Variants in PDPR observed in about 807,000 individuals in gnomAD.
PDPR encodes the protein pyruvate dehydrogenase phosphatase regulatory subunit.
Under a neutral mutation model 102.2 loss-of-function variants are expected in PDPR, and 50 were observed. The ratio of observed to expected loss-of-function variants is 0.49; its 90% CI spans 0.39 to 0.62. The LOEUF (loss-of-function observed/expected upper bound fraction) is 0.62, where lower values mean the gene tolerates loss of function less well. Ranked by LOEUF, PDPR falls within the 20% of genes least tolerant of loss-of-function variation. PDPR has a pLI of 0.00. For missense variants in PDPR, 625 were observed against 1,098.2 expected (o/e 0.57, Z 6.09); for synonymous variants, 259 against 406.0 (o/e 0.64, Z 4.35).
chr16:70,148,585 C>CCCTTT (rs1966435595), intron 17 of PDPR, 32 bp downstream of exon 17: 1 of 1,534,852 alleles, frequency 6.5e-7, no homozygotes, highest in African/African-American at 1.4e-5. Context: ...CCCTTCCCTT[C>CCCTTT]ACTTCCCTTC....
At chr16:70,154,694 G>A (rs1383298174) in intron 18 of PDPR, among the ~76,000 whole-genome samples, 1 of 152,230 alleles carries the variant, frequency 6.6e-6, no homozygotes, top group Non-Finnish European at 1.5e-5. Flanking sequence ...CCAGGTTGGA[G>A]TGCAGTGGCG....
At chr16:70,123,716 T>C (rs1324406723) in intron 3 of PDPR, among the ~76,000 whole-genome samples, 7 of 152,382 alleles carry the variant, frequency 4.6e-5, no homozygotes, top group African/African-American at 1.7e-4. Flanking sequence ...ATATAATACC[T>C]TAGAATTGAT....
intron 3 of PDPR, 51 bp from the exon 4 acceptor site, chr16:70,127,209 A>G (rs1395535346): frequency 6.4e-7 from 1 of 1,556,364 alleles, no homozygotes; most frequent in Admixed American, 2.1e-5. Flanking sequence ...CTGACCTCGT[A>G]TTCACAGATG....
At chr16:70,154,267 G>T (rs540124013) in intron 18 of PDPR, among the ~76,000 whole-genome samples, 1 of 152,406 alleles carries the variant, frequency 6.6e-6, no homozygotes, top group South Asian at 2.1e-4. Flanking sequence ...GGCAGAGGTT[G>T]CAGTGAGCCA....
chr16:70,145,438 A>G (rs1483522896), intron 15 of PDPR, among the ~76,000 whole-genome samples: 1 of 152,228 alleles, frequency 6.6e-6, no homozygotes, highest in African/African-American at 2.4e-5. Flanking sequence ...GCCCAGTCCC[A>G]GAGAGTACCT....
chr16:70,151,119 A>G (rs988052075), intron 17 of PDPR, among the ~76,000 whole-genome samples: 2 of 152,256 alleles, frequency 1.3e-5, no homozygotes, highest in African/African-American at 2.4e-5. Flanking sequence ...TATTTTTCAT[A>G]GAGACAGGGT....
intron 2 of PDPR, among the ~76,000 whole-genome samples, chr16:70,115,277 C>T (rs1962523441): frequency 6.6e-6 from 1 of 152,126 alleles, no homozygotes; most frequent in African/African-American, 2.4e-5. Flanking sequence ...GTGTGCGCCA[C>T]CACGCCCGGC....
intron 17 of PDPR, among the ~76,000 whole-genome samples, chr16:70,151,853 G>A (rs1054071424): frequency 1.8e-4 from 28 of 152,290 alleles, no homozygotes; most frequent in African/African-American, 4.3e-4. Flanking sequence ...GCAGATTCTC[G>A]TTTTGTTCAC....
intron 15 of PDPR, 178 bp from the exon 16 acceptor site, chr16:70,145,956 G>A (rs1349391097): frequency 1.7e-6 from 1 of 593,056 alleles, no homozygotes; most frequent in East Asian, 3.1e-5. Context: ...GTTGGCAGAG[G>A]TGTATTCGCC....
intron 10 of PDPR, among the ~76,000 whole-genome samples, 178 bp downstream of exon 10, chr16:70,136,564 A>G (rs1415689988): frequency 1.3e-5 from 2 of 152,032 alleles, no homozygotes; most frequent in Admixed American, 1.3e-4. Context: ...GAGGCTCCCC[A>G]TGTTCCAGAA....
upstream of PDPR, chr16:70,114,270 G>A (rs1357317026): frequency 6.6e-6 from 1 of 152,132 alleles, no homozygotes; most frequent in Non-Finnish European, 1.5e-5. Context: ...GCCGTAAAGC[G>A]CGGAAGGTCG....
downstream of PDPR, chr16:70,162,539 G>A (rs1445289890): frequency 2.0e-5 from 3 of 152,454 alleles, no homozygotes; most frequent in African/African-American, 7.2e-5. Flanking sequence ...ACTCTTGCAC[G>A]GCTGCTTGTG....
intron 17 of PDPR, among the ~76,000 whole-genome samples, chr16:70,149,838 T>G (rs1597373873): frequency 6.6e-6 from 1 of 152,268 alleles, no homozygotes; most frequent in Non-Finnish European, 1.5e-5. Flanking sequence ...TCGCCCAGGC[T>G]GGAGTGCAGT....
At position 70,157,545 on chromosome 16, in the gene PDPR, G is replaced by C. The variant is rs1967357483; in HGVS notation, c.*666G>C. On this transcript the variant is annotated 3_prime_UTR_variant, in exon 19 of 19. Transcript: ENST00000288050. ...TGCAGAAGCCATTAGCAGACCTTTG[G>C]GCCAGGGCAGCCTCCCTATAATTTT... is the stretch of plus-strand genomic sequence containing the variant. The C allele has an allele frequency of 1.1e-5, 2 of 173,962 alleles. No individual in the cohort carries two copies. The highest frequency in any genetic ancestry group is 4.8e-5 in the African/African-American group (2 of 42,036). 10.8% of individuals were successfully genotyped at this position (173,962 alleles called of 1,614,324 possible). A position where few individuals can be genotyped will look rare whatever the true frequency, so the allele number is the denominator to read the frequency against.
chr16:70,132,334 T>G, intron 9 of PDPR, 34 bp downstream of exon 9: 1 of 1,579,222 alleles, frequency 6.3e-7, no homozygotes, highest in African/African-American at 1.3e-5. Flanking sequence ...TAGTGCCTTA[T>G]ATTTGTTTAA....
At chr16:70,143,793 C>T in intron 14 of PDPR, 135 bp downstream of exon 14, 1 of 1,102,304 alleles carries the variant, frequency 9.1e-7, no homozygotes, top group Non-Finnish European at 1.3e-6. Flanking sequence ...AAATCAAAGC[C>T]AGTTTATTAG....
intron 9 of PDPR, among the ~76,000 whole-genome samples, chr16:70,133,375 G>C (rs1232763918): frequency 2.6e-5 from 4 of 151,270 alleles, no homozygotes; most frequent in African/African-American, 9.7e-5. Context: ...GCCTGCCTCA[G>C]CCTCCCAAAG....
At chr16:70,144,296 C>T in intron 14 of PDPR, 125 bp from the exon 15 acceptor site, 1 of 379,772 alleles carries the variant, frequency 2.6e-6, no homozygotes, top group Non-Finnish European at 5.0e-6. Flanking sequence ...TACTGGCCTT[C>T]TGTGAAAGCT....
chr16:70,132,858 G>A (rs1250691991), intron 9 of PDPR, among the ~76,000 whole-genome samples: 2 of 152,222 alleles, frequency 1.3e-5, no homozygotes, highest in African/African-American at 4.8e-5. Flanking sequence ...TGTCACCTAG[G>A]CTGGAGTGCA....
Sources: allele counts gnomAD v4.1 joint callset (sites outside exome capture counted in the v4.1 genomes callset), GRCh38; gene constraint gnomAD v4.1.1; transcripts MANE v1.5; gene names NCBI Gene and HGNC (gene_info 2026-07-23, HGNC 2026-07-21).